The following ARB2A variants were observed in gnomAD, a reference collection of about 807,000 sequenced individuals.
ARB2A encodes the protein cotranscriptional regulator ARB2A.
At chr5:93,784,796 G>A in the ARB2A span, among the ~76,000 whole-genome samples, 1 of 152,136 alleles carries the variant, frequency 6.6e-6, no homozygotes, top group Non-Finnish European at 1.5e-5. Context: ...GAATCCCTGA[G>A]GGTTTCTTTT....
the ARB2A span, among the ~76,000 whole-genome samples, chr5:94,080,403 T>A: frequency 3.3e-4 from 51 of 152,304 alleles, no homozygotes; most frequent in East Asian, 1.2e-3. Context: ...CGGTATCAAA[T>A]TTTCAATTTT....
At chr5:93,886,000 C>T in the ARB2A span, among the ~76,000 whole-genome samples, 1 of 151,592 alleles carries the variant, frequency 6.6e-6, no homozygotes, top group Non-Finnish European at 1.5e-5. Flanking sequence ...AAAAGGAAAA[C>T]TTTGATAGAC....
the ARB2A span, among the ~76,000 whole-genome samples, chr5:94,039,674 G>A: frequency 3.9e-5 from 6 of 152,014 alleles, no homozygotes; most frequent in Admixed American, 2.0e-4. Flanking sequence ...GACTCGCCCC[G>A]AATTCTTTCT....
At chr5:93,941,997 A>C in the ARB2A span, among the ~76,000 whole-genome samples, 1 of 152,170 alleles carries the variant, frequency 6.6e-6, no homozygotes, top group Non-Finnish European at 1.5e-5. Flanking sequence ...GGCTTATCAT[A>C]TCTCTCTCAA....
At chr5:93,934,589 C>T in the ARB2A span, among the ~76,000 whole-genome samples, 47 of 152,166 alleles carry the variant, frequency 3.1e-4, no homozygotes, top group African/African-American at 1.1e-3. Flanking sequence ...GTGATCTGGC[C>T]AATGATGTAT....
the ARB2A span, among the ~76,000 whole-genome samples, chr5:93,660,439 T>C: frequency 7.9e-5 from 12 of 152,088 alleles, no homozygotes; most frequent in Non-Finnish European, 1.2e-4. Context: ...GCAGAACTTA[T>C]GGTAGGTTTT....
chr5:93,724,517 A>T, the ARB2A span, among the ~76,000 whole-genome samples: 1 of 152,094 alleles, frequency 6.6e-6, no homozygotes, highest in Admixed American at 6.6e-5. Context: ...TTATTGCAAG[A>T]TGTATTCAAA....
At chr5:93,781,992 G>A in the ARB2A span, 1 of 925,240 alleles carries the variant, frequency 1.1e-6, no homozygotes, top group Non-Finnish European at 1.3e-6. Flanking sequence ...AGGGGAGGAA[G>A]TTTCATCCTG....
chr5:94,025,820 C>T, the ARB2A span, among the ~76,000 whole-genome samples: 1 of 152,194 alleles, frequency 6.6e-6, no homozygotes, highest in Non-Finnish European at 1.5e-5. Context: ...GCCAGTGACG[C>T]CCCTGCCGAG....
chr5:93,921,659 A>G, the ARB2A span, among the ~76,000 whole-genome samples: 1 of 152,216 alleles, frequency 6.6e-6, no homozygotes, highest in African/African-American at 2.4e-5. Context: ...TAAGGCAGGA[A>G]GGCATAGGCT....
the ARB2A span, among the ~76,000 whole-genome samples, chr5:93,824,628 T>A: frequency 6.6e-6 from 1 of 152,090 alleles, no homozygotes; most frequent in South Asian, 2.1e-4. Flanking sequence ...TTTACATTAT[T>A]AACTGAAGAA....
At chr5:94,084,875 T>G in the ARB2A span, among the ~76,000 whole-genome samples, 47 of 152,314 alleles carry the variant, frequency 3.1e-4, no homozygotes, top group African/African-American at 1.1e-3. Flanking sequence ...CAATTTCAAA[T>G]GGTTTAAGGG....
At chr5:93,881,770 C>A in the ARB2A span, 1 of 953,436 alleles carries the variant, frequency 1.0e-6, no homozygotes, top group South Asian at 2.7e-5. Context: ...AAATTTCAGT[C>A]TAAGCAATTT....
chr5:94,043,109 G>T, the ARB2A span, among the ~76,000 whole-genome samples: 1 of 152,136 alleles, frequency 6.6e-6, no homozygotes, highest in Non-Finnish European at 1.5e-5. Flanking sequence ...GTTCTTAAAT[G>T]CAGGTTTCTG....
the ARB2A span, among the ~76,000 whole-genome samples, chr5:93,875,713 T>C: frequency 1.4e-4 from 22 of 152,258 alleles, no homozygotes; most frequent in Admixed American, 8.5e-4. Context: ...AGAAAACATT[T>C]ACAATAATAC....
At chr5:94,027,362 G>A in the ARB2A span, among the ~76,000 whole-genome samples, 12 of 152,318 alleles carry the variant, frequency 7.9e-5, no homozygotes, top group South Asian at 2.5e-3. Flanking sequence ...ACAAAGGCAT[G>A]ATTAGAAGGT....
the ARB2A span, among the ~76,000 whole-genome samples, chr5:93,855,402 CTCTT>C: frequency 1.3e-5 from 2 of 152,126 alleles, no homozygotes; most frequent in African/African-American, 4.8e-5. Flanking sequence ...TGGGTCTTGA[CTCTT>C]TATCCAATTT....
chr5:93,808,010 C>A, the ARB2A span, among the ~76,000 whole-genome samples: 1 of 151,856 alleles, frequency 6.6e-6, no homozygotes, highest in Non-Finnish European at 1.5e-5. Context: ...CTTGGACAGG[C>A]CAATCAATGC....
the ARB2A span, among the ~76,000 whole-genome samples, chr5:93,621,286 C>A: frequency 6.7e-6 from 1 of 149,992 alleles, no homozygotes; most frequent in Admixed American, 6.6e-5. Flanking sequence ...GCGCCCCGCC[C>A]CTCAGCCAGG....
Sources: gnomAD v4.1 joint callset for allele counts (sites outside exome capture counted in the v4.1 genomes callset) on GRCh38, gnomAD v4.1.1 for gene constraint, MANE v1.5 for transcripts, NCBI Gene and HGNC (gene_info 2026-07-23, HGNC 2026-07-21) for gene names.